The following AHI1 variants were observed in gnomAD, a reference collection of about 807,000 sequenced individuals.
AHI1 encodes the protein jouberin.
In AHI1, 123 loss-of-function variants were observed where a neutral mutation model predicts 149.3. The ratio of observed to expected loss-of-function variants is 0.82; its 90% CI spans 0.71 to 0.96. The LOEUF (loss-of-function observed/expected upper bound fraction) is 0.96, where lower values mean the gene tolerates loss of function less well. Among genes scored for constraint, AHI1 ranks in the 40% least tolerant of loss-of-function variants. The pLI, the probability that AHI1 is intolerant of heterozygous loss-of-function variation, is 0.00. For synonymous variants in AHI1, 475 were observed against 459.8 expected (o/e 1.03, Z -0.42); for missense variants, 1,439 against 1,422.7 (o/e 1.01, Z -0.18).
intron 5 of AHI1, among the ~76,000 whole-genome samples, chr6:135,468,000 C>T (rs868510632): frequency 2.6e-5 from 4 of 152,124 alleles, no homozygotes; most frequent in African/African-American, 7.2e-5. Context: ...ACAATACATA[C>T]TGGGGTTTGA....
chr6:135,426,555 A>AAT (rs1783939291), intron 20 of AHI1, among the ~76,000 whole-genome samples: 1 of 151,696 alleles, frequency 6.6e-6, no homozygotes, highest in Non-Finnish European at 1.5e-5. Context: ...ATAGAAATGC[A>AAT]ATTTTGAGAA....
At chr6:135,336,086 C>T (rs573352547) in intron 24 of AHI1, among the ~76,000 whole-genome samples, 1 of 146,670 alleles carries the variant, frequency 6.8e-6, no homozygotes, top group East Asian at 2.0e-4. Flanking sequence ...GCACTGCACC[C>T]TGGATGACTA....
chr6:135,388,009 G>A (rs1406533236), intron 23 of AHI1: 1 of 1,613,744 alleles, frequency 6.2e-7, no homozygotes. Flanking sequence ...TAATATACAT[G>A]TGTTGAATTC....
At chr6:135,330,435 AT>A (rs1388470382) in intron 24 of AHI1, among the ~76,000 whole-genome samples, 2 of 152,218 alleles carry the variant, frequency 1.3e-5, no homozygotes, top group South Asian at 2.1e-4. Context: ...GCAATCAAGT[AT>A]TTTTTTCACT....
At chr6:135,372,809 A>G (rs1775265959) in intron 23 of AHI1, among the ~76,000 whole-genome samples, 1 of 152,266 alleles carries the variant, frequency 6.6e-6, no homozygotes, top group South Asian at 2.1e-4. Context: ...TAAAAGCAGC[A>G]GTACCTGGAC....
intron 24 of AHI1, 25 bp downstream of exon 24, chr6:135,358,107 A>G (rs1363582596): frequency 6.2e-7 from 1 of 1,605,280 alleles, no homozygotes; most frequent in Non-Finnish European, 8.5e-7. Flanking sequence ...AACACTTTTA[A>G]CAACGTAGCA....
At chr6:135,386,113 C>T (rs2128473675) in intron 23 of AHI1, among the ~76,000 whole-genome samples, 1 of 152,250 alleles carries the variant, frequency 6.6e-6, no homozygotes, top group Admixed American at 6.5e-5. Context: ...ATAAGCAGTT[C>T]AGAAGCTGAA....
Position 135,453,375 on chromosome 6 carries a change from C to A in AHI1, c.1406G>T (p.Cys469Phe), listed in dbSNP as rs1224257244. 1.3e-6 allele frequency: 2 copies of A among 1,562,506 alleles called. No individual in the cohort carries two copies. The highest frequency in any genetic ancestry group is 3.8e-5 in the Admixed American group (2 of 52,830). Residue 469 changes from cysteine to phenylalanine, a missense_variant, in exon 11 of 29, where the codon TGT becomes TTT. Cys to Phe is a radical substitution (Grantham distance 205). Coordinates refer to ENST00000265602, the MANE Select transcript of AHI1 (RefSeq NM_001134831.2). Reference sequence around the variant, plus strand: ...TGCCCAGGCAATTTTCCGAAAGCCACATTCTTGGTTTTGAACCTCAGAATT... The same window carrying A: ...TGCCCAGGCAATTTTCCGAAAGCCAAATTCTTGGTTTTGAACCTCAGAATT... ...KNNSEVQNQE[C>F]GFRKIAWAFL...
At chr6:135,458,804 T>C (rs540057390) in intron 8 of AHI1, among the ~76,000 whole-genome samples, 1 of 152,132 alleles carries the variant, frequency 6.6e-6, no homozygotes, top group Admixed American at 6.6e-5. Flanking sequence ...GACAGAAGAC[T>C]AAATGGCTAA....
chr6:135,482,342 A>G (rs971982904), intron 5 of AHI1, among the ~76,000 whole-genome samples: 1 of 152,190 alleles, frequency 6.6e-6, no homozygotes, highest in African/African-American at 2.4e-5. Context: ...ACCAACTTCC[A>G]TGATGTAAGT....
rs537369153 is a variant in AHI1 at position 135,333,235 on chromosome 6, CAAT to C, written c.3166-9914_3166-9912del. Among the ~76,000 whole-genome samples the C allele has an allele frequency of 9.2e-3, 1,394 of 152,170 alleles. 18 individuals carry two copies. The highest frequency in any genetic ancestry group is 0.031 in the African/African-American group (1,303 of 41,524). The stretch of plus-strand genomic sequence containing the variant: ...TACGCTTTAAGAAAGTCTCATTTCT[CAAT>C]AATGTCAAAGATAAAAAATATTTGT... On this transcript the variant is annotated intron_variant, in intron 24 of 28. Coordinates refer to ENST00000265602, the MANE Select transcript of AHI1 (RefSeq NM_001134831.2).
chr6:135,298,879 A>G (rs541317281), intron 27 of AHI1, among the ~76,000 whole-genome samples: 157 of 152,220 alleles, frequency 1.0e-3, no homozygotes, highest in African/African-American at 3.7e-3. Flanking sequence ...TATGTAGGAG[A>G]CATTTTTTCA....
intron 26 of AHI1, among the ~76,000 whole-genome samples, chr6:135,314,662 A>G (rs1018840302): frequency 6.6e-6 from 1 of 152,044 alleles, no homozygotes; most frequent in African/African-American, 2.4e-5. Flanking sequence ...CCAAGAAACC[A>G]TTTTTCTTTC....
At chr6:135,391,867 GA>G (rs1778550320) in intron 23 of AHI1, among the ~76,000 whole-genome samples, 1 of 152,172 alleles carries the variant, frequency 6.6e-6, no homozygotes, top group African/African-American at 2.4e-5. Context: ...GGGCAAGTGG[GA>G]AAGAGGAAAG....
intron 22 of AHI1, among the ~76,000 whole-genome samples, chr6:135,402,536 G>A (rs1012440222): frequency 6.6e-6 from 1 of 151,968 alleles, no homozygotes; most frequent in African/African-American, 2.4e-5. Flanking sequence ...AACTGTGCAG[G>A]TCCACCTATA....
At chr6:135,363,995 C>G (rs1794441486) in intron 23 of AHI1, among the ~76,000 whole-genome samples, 1 of 148,746 alleles carries the variant, frequency 6.7e-6, no homozygotes, top group South Asian at 2.1e-4. Context: ...CAGAGGGGCT[C>G]CTCACTTCCC....
intron 11 of AHI1, among the ~76,000 whole-genome samples, chr6:135,451,532 G>GCTTA (rs1405493752): frequency 6.6e-6 from 1 of 152,048 alleles, no homozygotes; most frequent in Non-Finnish European, 1.5e-5. Flanking sequence ...ACTCTAAAAA[G>GCTTA]CTTACAGTCT....
intron 15 of AHI1, among the ~76,000 whole-genome samples, chr6:135,438,029 T>C (rs1337084121): frequency 6.6e-6 from 1 of 152,112 alleles, no homozygotes; most frequent in Non-Finnish European, 1.5e-5. Flanking sequence ...CAGCCAATAG[T>C]GAAGACAGTA....
At chr6:135,310,812 C>T (rs1319423321) in intron 26 of AHI1, among the ~76,000 whole-genome samples, 2 of 151,970 alleles carry the variant, frequency 1.3e-5, no homozygotes, top group Admixed American at 1.3e-4. Context: ...TATATAAAAA[C>T]ATACTTGACT....
Sources: gnomAD v4.1 joint callset for allele counts (sites outside exome capture counted in the v4.1 genomes callset) on GRCh38, gnomAD v4.1.1 for gene constraint, MANE v1.5 for transcripts, NCBI Gene and HGNC (gene_info 2026-07-23, HGNC 2026-07-21) for gene names.